Variants in MARCHF10 observed in about 807,000 individuals in gnomAD.
MARCHF10 encodes the protein probable E3 ubiquitin-protein ligase MARCHF10.
MARCHF10 carries 64 observed loss-of-function variants against 76.2 expected under a neutral mutation model. That is an observed-to-expected ratio of 0.84 (90% CI 0.69 to 1.03). The LOEUF is 1.03. Ranked by LOEUF, MARCHF10 falls within the 50% of genes least tolerant of loss-of-function variation. MARCHF10 has a pLI of 0.00. For missense variants in MARCHF10, 875 were observed against 958.0 expected (o/e 0.91, Z 1.14); for synonymous variants, 340 against 357.5 (o/e 0.95, Z 0.55).
At chr17:62,804,601 C>T (rs940013762) in intron 1 of MARCHF10, among the ~76,000 whole-genome samples, 3 of 152,034 alleles carry the variant, frequency 2.0e-5, no homozygotes, top group Middle Eastern at 3.4e-3. Flanking sequence ...CAGAAGGTTG[C>T]GTAAATGGGA....
intron 4 of MARCHF10, 57 bp from the exon 5 acceptor site, chr17:62,744,585 TA>T: frequency 6.3e-7 from 1 of 1,590,518 alleles, no homozygotes; most frequent in Non-Finnish European, 8.6e-7. Context: ...ATGTCTTCCA[TA>T]TAAAGAACGT....
At chr17:62,794,547 AGG>A (rs2092952473) in intron 2 of MARCHF10, among the ~76,000 whole-genome samples, 1 of 152,184 alleles carries the variant, frequency 6.6e-6, no homozygotes. Flanking sequence ...TCAGTCATTC[AGG>A]GTCACAATGA....
chr17:62,787,788 T>C (rs996570784), intron 3 of MARCHF10, among the ~76,000 whole-genome samples: 1 of 151,704 alleles, frequency 6.6e-6, no homozygotes, highest in African/African-American at 2.4e-5. Flanking sequence ...GGATAGGTGA[T>C]AGATATATAC....
chr17:62,768,917 C>T (rs1462899672), intron 3 of MARCHF10, among the ~76,000 whole-genome samples: 1 of 152,184 alleles, frequency 6.6e-6, no homozygotes, highest in Non-Finnish European at 1.5e-5. Context: ...ACATTTGGAT[C>T]AATGATTCAG....
chr17:62,792,828 AC>A (rs2092884119), intron 2 of MARCHF10, among the ~76,000 whole-genome samples: 1 of 102,220 alleles, frequency 9.8e-6, no homozygotes, highest in Non-Finnish European at 2.0e-5. Flanking sequence ...CACCACCTCC[AC>A]TGCCACCACC....
chr17:62,735,783 A>G (rs754027785), intron 6 of MARCHF10, 148 bp downstream of exon 6: 9 of 664,448 alleles, frequency 1.4e-5, no homozygotes, highest in Non-Finnish European at 2.0e-5. Flanking sequence ...GCAACAAAAC[A>G]GAGACAATTT....
intron 10 of MARCHF10, among the ~76,000 whole-genome samples, chr17:62,704,539 G>A (rs1317910582): frequency 6.6e-6 from 1 of 152,258 alleles, no homozygotes; most frequent in East Asian, 1.9e-4. Context: ...GTCGTAATCT[G>A]GGCCCCACCC....
chr17:62,724,837 G>A (rs2090671111), intron 7 of MARCHF10, 101 bp downstream of exon 7: 7 of 1,295,634 alleles, frequency 5.4e-6, no homozygotes, highest in Admixed American at 4.5e-5. Context: ...GCTGTTCTGC[G>A]GAGGAGAGTG....
chr17:62,787,945 G>C (rs1349377404), intron 3 of MARCHF10, among the ~76,000 whole-genome samples: 1 of 151,890 alleles, frequency 6.6e-6, no homozygotes, highest in Admixed American at 6.6e-5. Context: ...TTATCACATT[G>C]TTATATCATT....
intron 8 of MARCHF10, among the ~76,000 whole-genome samples, chr17:62,715,236 T>A (rs2090135943): frequency 6.6e-6 from 1 of 152,218 alleles, no homozygotes; most frequent in Non-Finnish European, 1.5e-5. Context: ...GGCCTGTGGA[T>A]GTGCTCTGGT....
intron 8 of MARCHF10, among the ~76,000 whole-genome samples, chr17:62,717,084 T>C (rs930216292): frequency 1.3e-5 from 2 of 152,238 alleles, no homozygotes; most frequent in Admixed American, 6.5e-5. Flanking sequence ...ACGTTGTAGA[T>C]ATCTTTGTGT....
At chr17:62,775,132 C>CTTTTTTT (rs35354893) in intron 3 of MARCHF10, among the ~76,000 whole-genome samples, 1 of 142,574 alleles carries the variant, frequency 7.0e-6, no homozygotes, top group Non-Finnish European at 1.5e-5. Context: ...CCTGGCCTTC[C>CTTTTTTT]TTTTTTTTTT....
chr17:62,737,288 T>C lies in MARCHF10; in HGVS notation c.580A>G (p.Lys194Glu), dbSNP rs1313707282. ...TTTCTTCTCTCTTGATTTGGCCTCTTCAGCTTAGTGTTACACATCAGGCCT... is the reference window on the plus strand; with the variant it reads ...TTTCTTCTCTCTTGATTTGGCCTCTCCAGCTTAGTGTTACACATCAGGCCT... ...QEGLMCNTKL[K>E]RPNQERRNLV... The change falls in exon 6 of 11, where the codon AAG becomes GAG. Residue 194 changes from lysine (K) to glutamate (E), a missense_variant. Transcript: ENST00000311269. 6.2e-7 allele frequency: 1 copy of C among 1,613,642 alleles called. No individual in the cohort carries two copies. Among genetic ancestry groups the C allele is most frequent in the South Asian group, 1.1e-5 (1 of 90,930 alleles).
At chr17:62,793,279 C>A (rs1047060705) in intron 2 of MARCHF10, among the ~76,000 whole-genome samples, 1 of 141,882 alleles carries the variant, frequency 7.0e-6, no homozygotes, top group African/African-American at 2.6e-5. Context: ...CCACCACAAC[C>A]ATCACCACCC....
intron 2 of MARCHF10, among the ~76,000 whole-genome samples, chr17:62,798,148 G>C (rs1483950320): frequency 6.6e-6 from 1 of 152,132 alleles, no homozygotes; most frequent in African/African-American, 2.4e-5. Context: ...TAAAGTGGTG[G>C]TTGAACCATA....
chr17:62,779,279 G>A (rs2092612481), intron 3 of MARCHF10, among the ~76,000 whole-genome samples: 2 of 152,236 alleles, frequency 1.3e-5, no homozygotes, highest in Admixed American at 6.5e-5. Context: ...CCTAGGGCCA[G>A]AAAGAAGAGG....
chr17:62,756,852 A>G (rs1418909638), intron 4 of MARCHF10, among the ~76,000 whole-genome samples: 1 of 152,206 alleles, frequency 6.6e-6, no homozygotes, highest in Admixed American at 6.5e-5. Flanking sequence ...GCATGGAGAG[A>G]TATAACAAGG....
At chr17:62,721,761 T>C (rs2090498422) in intron 8 of MARCHF10, among the ~76,000 whole-genome samples, 1 of 152,200 alleles carries the variant, frequency 6.6e-6, no homozygotes, top group South Asian at 2.1e-4. Context: ...TCATTAGCTG[T>C]ATGTAGGTAA....
chr17:62,776,378 G>C (rs1377962085), intron 3 of MARCHF10, among the ~76,000 whole-genome samples: 4 of 152,136 alleles, frequency 2.6e-5, no homozygotes, highest in Non-Finnish European at 5.9e-5. Context: ...GATCACCCTC[G>C]TGCAAGGACG....
Sources: gnomAD v4.1 joint callset for allele counts (sites outside exome capture counted in the v4.1 genomes callset) on GRCh38, gnomAD v4.1.1 for gene constraint, MANE v1.5 for transcripts, NCBI Gene and HGNC (gene_info 2026-07-23, HGNC 2026-07-21) for gene names.